Variants in NME4 observed in about 807,000 individuals in gnomAD.
The protein encoded by NME4 is NME/NM23 nucleoside diphosphate kinase 4.
NME4 carries 21 observed loss-of-function variants against 16.4 expected under a neutral mutation model. The ratio of observed to expected loss-of-function variants is 1.28; its 90% confidence interval spans 0.91 to 1.84. NME4 has a LOEUF of 1.84. Among genes scored for constraint, NME4 ranks in the 40% most tolerant of loss-of-function variants. The probability of loss-of-function intolerance (pLI) is 0.00; values close to 1 mark genes in which losing one functional copy is unlikely to be tolerated. For missense variants in NME4, 316 were observed against 261.3 expected (o/e 1.21, Z -1.44); for synonymous variants, 132 against 107.5 (o/e 1.23, Z -1.41).
At chr16:399,792 C>A in intron 4 of NME4, 53 bp downstream of exon 4, 2 of 1,472,374 alleles carry the variant, frequency 1.4e-6, no homozygotes, top group Non-Finnish European at 1.9e-6. Context: ...AGGGCCATCA[C>A]TTGGGGTGGT....
At chr16:398,124 A>G in intron 1 of NME4, 1 of 1,534,168 alleles carries the variant, frequency 6.5e-7, no homozygotes, top group Non-Finnish European at 8.8e-7. Flanking sequence ...TCTGGAAACC[A>G]GGGACCCGAT....
upstream of NME4, chr16:397,103 CGGGGCGGCGGGGGGCTCCGG>C (rs774406191): frequency 0.22 from 17,586 of 79,426 alleles, 1,343 homozygotes; most frequent in African/African-American, 0.54. Flanking sequence ...CACGGGGGTC[CGGGGCGGCGGGGGGCTCCGG>C]GGCGGCGGGG....
In NME4 at chr16:398,981, CT is replaced by C; in HGVS notation, c.92-5del. The C allele has an allele frequency of 1.2e-6, 2 of 1,609,850 alleles. No individual in the cohort carries two copies. On this transcript the variant is annotated splice_polypyrimidine_tract_variant and splice_region_variant and intron_variant, in intron 1 of 4. Coordinates refer to ENST00000219479, the MANE Select transcript of NME4 (RefSeq NM_005009.3). ...GGTGGCAGTGCCTCTGACCTCTTGC[CT>C]TTTGAAGGAGGGCCCTCCTGGACCC...
chr16:397,333 C>G lies in NME4; in HGVS notation c.91+20C>G. On this transcript the variant is annotated intron_variant, in intron 1 of 4. Coordinates refer to ENST00000219479, the MANE Select transcript of NME4 (RefSeq NM_005009.3). ...GCTCGGGTGAGTGGGGCCGCGCGCC[C>G]CGGCGGGGACGCGGAGGGGAGGAAG... 1 of 998,422 alleles carries G rather than the reference C, an allele frequency of 1.0e-6. No homozygotes were observed. Among genetic ancestry groups the G allele is most frequent in the Non-Finnish European group, 1.2e-6 (1 of 825,524 alleles). 61.8% of individuals were successfully genotyped at this position (998,422 alleles called of 1,614,324 possible). A position where few individuals can be genotyped will look rare whatever the true frequency, so the allele number is the denominator to read the frequency against.
intron 1 of NME4, 39 bp downstream of exon 1, chr16:397,352 G>A: frequency 1.2e-6 from 1 of 817,572 alleles, no homozygotes; most frequent in Non-Finnish European, 1.5e-6. Flanking sequence ...ACGCGGAGGG[G>A]AGGAAGGGGC....
upstream of NME4, chr16:397,156 G>A: frequency 1.6e-6 from 1 of 642,352 alleles, no homozygotes. Flanking sequence ...GGCGGGGGCG[G>A]GTCTCGGGCT....
At position 399,067 on chromosome 16, in the gene NME4, G is replaced by A. The variant is rs146361357; in HGVS notation, c.169G>A (p.Val57Met). The change falls in exon 2 of 5, where the codon GTG (valine) becomes ATG (methionine). Residue 57 changes from valine (V) to methionine (M), a missense_variant. Physicochemically the swap from Val to Met is conservative, Grantham distance 21 (BLOSUM62 1). Transcript: ENST00000219479. ...DGVQRRLVGD[V>M]IQRFERRGFT... is the part of the protein sequence containing the mutation. ...CGTGCAACGGCGGCTCGTTGGGGAC[G>A]TGATCCAGCGCTTTGAGAGGCGGGG... 6.8e-4 allele frequency: 1,088 copies of A among 1,605,312 alleles called. 2 individuals carry two copies. Among genetic ancestry groups the A allele is most frequent in the Non-Finnish European group, 7.6e-4 (902 of 1,179,130 alleles).
At chr16:397,436 T>A in intron 1 of NME4, 123 bp downstream of exon 1, 1 of 268,994 alleles carries the variant, frequency 3.7e-6, no homozygotes, top group Non-Finnish European at 5.7e-6. Context: ...GGGCGCGGGC[T>A]GCGGGGTCCG....
chr16:400,500 C>A lies in NME4; in HGVS notation c.*158C>A. The A allele has an allele frequency of 1.2e-6, 1 of 833,292 alleles. No individual in the cohort carries two copies. Among genetic ancestry groups the A allele is most frequent in the Non-Finnish European group, 1.8e-6 (1 of 567,088 alleles). The allele number at this position is 833,292 out of a possible 1,614,324, so 51.6% of individuals were successfully genotyped here. A position where few individuals can be genotyped will look rare whatever the true frequency, so the allele number is the denominator to read the frequency against. ...CCAGAGGAGTTTGAGCCACCAACTT[C>A]AGTGCCTTTCTGTACCCCAAGCCAG... is the stretch of plus-strand genomic sequence containing the variant. On this transcript the variant is annotated 3_prime_UTR_variant, in exon 5 of 5. Coordinates refer to ENST00000219479, the MANE Select transcript of NME4 (RefSeq NM_005009.3).
At chr16:399,940 G>A (rs985316697) in intron 4 of NME4, among the ~76,000 whole-genome samples, 2 of 152,164 alleles carry the variant, frequency 1.3e-5, no homozygotes, top group East Asian at 1.9e-4. Context: ...TGTGTACCGT[G>A]CCATCGTTGC....
chr16:398,641 G>C, intron 1 of NME4: 1 of 408,734 alleles, frequency 2.4e-6, no homozygotes, highest in Non-Finnish European at 4.5e-6. Context: ...CCTTGAGGTG[G>C]TCCCTGAGCT....
At chr16:397,010 G>A (rs2054556233), upstream of NME4, 1 of 153,276 alleles carries the variant, frequency 6.5e-6, no homozygotes, top group Non-Finnish European at 1.5e-5. Context: ...AATGCAATTC[G>A]AGAAGGATTC....
chr16:400,116 C>A (rs775599335), intron 4 of NME4, 103 bp from the exon 5 acceptor site: 3 of 1,508,106 alleles, frequency 2.0e-6, no homozygotes, highest in Admixed American at 1.7e-5. Context: ...CAGTCACAGG[C>A]TTGCTCCCCT....
In NME4 at chr16:399,880, G is replaced by C. The variant is rs1384971131; in HGVS notation, c.440+141G>C. ...GACATGACAGCTCACACTGGTGAGA[G>C]CCGTGTTCTCCCAGGGCACACAGGG... On this transcript the variant is annotated intron_variant, in intron 4 of 4. Transcript: ENST00000219479. 25 of 707,440 alleles carry C rather than the reference G, an allele frequency of 3.5e-5. No homozygotes were observed. The East Asian group carries it at 6.4e-4, about 18-fold the overall frequency. The allele number at this position is 707,440 out of a possible 1,614,324, so 43.8% of individuals were successfully genotyped here. A position where few individuals can be genotyped will look rare whatever the true frequency, so the allele number is the denominator to read the frequency against.
rs1401605348 is a variant in NME4, at chr16:400,386, C to G, written c.*44C>G. 1.3e-6 allele frequency: 2 copies of G among 1,572,472 alleles called. No homozygotes were observed. The highest frequency in any genetic ancestry group is 1.7e-6 in the Non-Finnish European group (2 of 1,170,964). ...CACCCCATCCCCCACGCAGGACCAA[C>G]TACCTCCGTCAGCAAGAACCCAAGC... On this transcript the variant is annotated 3_prime_UTR_variant, in exon 5 of 5. Coordinates refer to ENST00000219479, the MANE Select transcript of NME4 (RefSeq NM_005009.3).
intron 1 of NME4, chr16:398,755 C>T (rs939949644): frequency 2.3e-5 from 14 of 603,726 alleles, no homozygotes; most frequent in Middle Eastern, 4.5e-4. Context: ...TGGGAGGAGC[C>T]ATGGCCCCTG....
chr16:399,855 G>A, intron 4 of NME4, 116 bp downstream of exon 4: 2 of 821,974 alleles, frequency 2.4e-6, no homozygotes, highest in South Asian at 1.5e-5. Context: ...AGCCAGGTCG[G>A]ACATGACAGC....
intron 4 of NME4, chr16:399,970 G>A: frequency 1.5e-6 from 1 of 665,280 alleles, no homozygotes; most frequent in East Asian, 2.7e-5. Context: ...GACACCCCAA[G>A]GGGTTGGCAC....
At chr16:398,193 C>A (rs917928186) in intron 1 of NME4, 8 of 1,490,324 alleles carry the variant, frequency 5.4e-6, no homozygotes, top group Non-Finnish European at 4.5e-6. Flanking sequence ...AGGACGTCTT[C>A]TGTTTCCCTG....
Sources: allele counts gnomAD v4.1 joint callset (sites outside exome capture counted in the v4.1 genomes callset), GRCh38; gene constraint gnomAD v4.1.1; transcripts MANE v1.5; gene names NCBI Gene and HGNC (gene_info 2026-07-23, HGNC 2026-07-21).